The following KLHDC1 variants were observed in gnomAD, a reference collection of about 807,000 sequenced individuals.
The protein encoded by KLHDC1 is kelch domain-containing protein 1.
Under a neutral mutation model 68.3 loss-of-function variants are expected in KLHDC1, and 53 were observed. The ratio of observed to expected loss-of-function variants is 0.78; its 90% CI spans 0.62 to 0.98. The LOEUF (loss-of-function observed/expected upper bound fraction) is 0.98. Ranked by LOEUF, KLHDC1 falls within the 50% of genes least tolerant of loss-of-function variation. The pLI is 0.00. For synonymous variants in KLHDC1, 148 were observed against 159.0 expected (o/e 0.93, Z 0.52); for missense variants, 470 against 492.3 (o/e 0.95, Z 0.43).
intron 4 of KLHDC1, among the ~76,000 whole-genome samples, chr14:49,711,421 T>C (rs946830183): frequency 2.6e-5 from 4 of 152,144 alleles, no homozygotes; most frequent in African/African-American, 9.7e-5. Flanking sequence ...GCCAGGATAA[T>C]CTCGATCTCC....
intron 10 of KLHDC1, among the ~76,000 whole-genome samples, chr14:49,735,119 GCATGATGTATT>G (rs1374159681): frequency 1.2e-3 from 181 of 152,046 alleles, no homozygotes; most frequent in African/African-American, 4.2e-3. Context: ...TCTGTTAACT[GCATGATGTATT>G]CATTGATGGG....
At chr14:49,703,840 T>G (rs149789707) in intron 1 of KLHDC1, among the ~76,000 whole-genome samples, 88 of 152,384 alleles carry the variant, frequency 5.8e-4, no homozygotes, top group African/African-American at 1.9e-3. Context: ...TCTATGAGTT[T>G]ACTGCAATTT....
intron 4 of KLHDC1, among the ~76,000 whole-genome samples, chr14:49,717,548 A>G (rs1888411805): frequency 6.6e-6 from 1 of 152,210 alleles, no homozygotes; most frequent in Admixed American, 6.5e-5. Flanking sequence ...TTTAAAAAAA[A>G]TGAGTCGTCT....
intron 1 of KLHDC1, among the ~76,000 whole-genome samples, chr14:49,704,189 G>C (rs375961100): frequency 6.6e-6 from 1 of 151,970 alleles, no homozygotes; most frequent in Non-Finnish European, 1.5e-5. Context: ...ATTTCCCTTG[G>C]TTACTGATAA....
intron 1 of KLHDC1, among the ~76,000 whole-genome samples, chr14:49,694,445 G>A (rs1015118492): frequency 1.3e-5 from 2 of 151,962 alleles, no homozygotes; most frequent in Admixed American, 6.6e-5. Flanking sequence ...AGAATACTTC[G>A]TATGACTGCA....
intron 4 of KLHDC1, among the ~76,000 whole-genome samples, chr14:49,718,161 C>T (rs980936054): frequency 6.6e-6 from 1 of 152,178 alleles, no homozygotes; most frequent in African/African-American, 2.4e-5. Context: ...GCTAGGATTA[C>T]AGGCATGAAC....
chr14:49,732,623 T>TG, intron 8 of KLHDC1, 81 bp from the exon 9 acceptor site: 1 of 620,144 alleles, frequency 1.6e-6, no homozygotes, highest in Non-Finnish European at 2.7e-6. Flanking sequence ...GGGCAGATTT[T>TG]TTTTTTAAGA....
At chr14:49,701,808 C>T (rs1887914221) in intron 1 of KLHDC1, among the ~76,000 whole-genome samples, 1 of 152,072 alleles carries the variant, frequency 6.6e-6, no homozygotes, top group Admixed American at 6.6e-5. Context: ...CCTAGGCAGG[C>T]AGATCACCTG....
At chr14:49,699,185 AC>A (rs1430032969) in intron 1 of KLHDC1, among the ~76,000 whole-genome samples, 5 of 146,436 alleles carry the variant, frequency 3.4e-5, no homozygotes, top group Non-Finnish European at 7.6e-5. Flanking sequence ...AAAAAAAATC[AC>A]AGTTCTTCAG....
chr14:49,718,987 C>T (rs1231831115), intron 4 of KLHDC1, among the ~76,000 whole-genome samples: 1 of 151,812 alleles, frequency 6.6e-6, no homozygotes, highest in East Asian at 1.9e-4. Flanking sequence ...CCATGTTGGC[C>T]AAACTGGTCT....
chr14:49,697,103 A>AT (rs940163557), intron 1 of KLHDC1, among the ~76,000 whole-genome samples: 8 of 151,848 alleles, frequency 5.3e-5, no homozygotes, highest in Non-Finnish European at 1.2e-4. Flanking sequence ...CACCCAGCTA[A>AT]TTTTTTTGAA....
chr14:49,705,794 C>T (rs903718409), intron 1 of KLHDC1, among the ~76,000 whole-genome samples: 1 of 152,112 alleles, frequency 6.6e-6, no homozygotes, highest in South Asian at 2.1e-4. Context: ...AATATGGATT[C>T]CTCAGTCAGA....
chr14:49,731,590 C>G (rs1389198342), intron 8 of KLHDC1, among the ~76,000 whole-genome samples: 2 of 152,118 alleles, frequency 1.3e-5, no homozygotes, highest in African/African-American at 2.4e-5. Context: ...CTGCCTCAAC[C>G]TCCCTAGTAG....
intron 10 of KLHDC1, among the ~76,000 whole-genome samples, chr14:49,737,080 G>A (rs1053705605): frequency 6.6e-6 from 1 of 152,174 alleles, no homozygotes; most frequent in Non-Finnish European, 1.5e-5. Context: ...GTTGGATCTC[G>A]TGAGTATCGC....
chr14:49,750,297 C>T (rs190147518), intron 12 of KLHDC1, among the ~76,000 whole-genome samples: 8 of 152,274 alleles, frequency 5.3e-5, no homozygotes, highest in East Asian at 3.9e-4. Flanking sequence ...TCTTATTTCT[C>T]GTCTCTAGGG....
At position 49,737,923 on chromosome 14, in the gene KLHDC1, CTA is replaced by C. The variant is rs1888970307; in HGVS notation, c.897-2173_897-2172del. Among the ~76,000 whole-genome samples, 11 of 149,146 alleles carry C rather than the reference CTA, an allele frequency of 7.4e-5. No individual in the cohort carries two copies. The South Asian group carries it at 2.2e-3, about 29-fold the overall frequency. ...AGTACTCTAAAAGTCAAAGCAATGA[CTA>C]TGTAAAAATCCCTAATTTACCCTCT... On this transcript the variant is annotated intron_variant, in intron 10 of 12. Transcript: ENST00000359332.
rs35067251 is a variant in KLHDC1 at position 49,704,387 on chromosome 14, G to GTTTTTTTTT, written c.97-4756_97-4748dup. Among the ~76,000 whole-genome samples, 142 of 68,722 alleles carry GTTTTTTTTT rather than the reference G, an allele frequency of 2.1e-3. 3 individuals are homozygous for GTTTTTTTTT. Among genetic ancestry groups the GTTTTTTTTT allele is most frequent in the Non-Finnish European group, 2.5e-3 (102 of 41,026 alleles). The allele number at this position is 68,722 out of a possible 152,430, so 45.1% of individuals were successfully genotyped here. A position where few individuals can be genotyped will look rare whatever the true frequency, so the allele number is the denominator to read the frequency against. On this transcript the variant is annotated intron_variant, in intron 1 of 12. Coordinates refer to ENST00000359332, the MANE Select transcript of KLHDC1 (RefSeq NM_172193.3). ...GTCTTTTTATTTTTTTTCCTTTTCT[G>GTTTTTTTTT]TTTTTTTTTTTTTTTTTTTTTTTTG...
chr14:49,747,284 T>G (rs1889224407), intron 12 of KLHDC1, among the ~76,000 whole-genome samples: 1 of 152,224 alleles, frequency 6.6e-6, no homozygotes. Context: ...TCACCTGTAC[T>G]TCTTTCTCTT....
rs191042173 is a variant in KLHDC1 at position 49,724,058 on chromosome 14, G to A, written c.483+106G>A. On this transcript the variant is annotated intron_variant, in intron 5 of 12. Transcript: ENST00000359332. The stretch of plus-strand genomic sequence containing the variant: ...TCATTTTTGGAGCTACCAATTTGTC[G>A]TAATTGACGCTATGAAAAAAATGTG... 3.3e-4 allele frequency: 205 copies of A among 628,584 alleles called. 2 individuals carry two copies. Among genetic ancestry groups the A allele is most frequent in the African/African-American group, 2.6e-3 (136 of 53,158 alleles). 38.9% of individuals were successfully genotyped at this position (628,584 alleles called of 1,614,324 possible).
Sources: gnomAD v4.1 joint callset for allele counts (sites outside exome capture counted in the v4.1 genomes callset) on GRCh38, gnomAD v4.1.1 for gene constraint, MANE v1.5 for transcripts, NCBI Gene and HGNC (gene_info 2026-07-23, HGNC 2026-07-21) for gene names.